MAMDC2: variants seen among roughly 807,000 people sequenced by gnomAD.
MAMDC2 encodes MAM domain containing 2, also known as MAM domain-containing protein 2.
A neutral mutation model predicts 89.8 loss-of-function variants in MAMDC2; 57 were observed. The observed-to-expected ratio is 0.63, with a 90% confidence interval of 0.51 to 0.79. MAMDC2 has a LOEUF of 0.79. MAMDC2 is among the 30% of genes least tolerant of loss of function. The pLI is 0.00. For missense variants in MAMDC2, 800 were observed against 820.6 expected (o/e 0.97, Z 0.31); for synonymous variants, 313 against 293.4 (o/e 1.07, Z -0.68).
chr9:70,185,666 C>T (rs4744986), intron 11 of MAMDC2, among the ~76,000 whole-genome samples: 119,224 of 152,078 alleles, frequency 0.78, 46,873 homozygotes, highest in Admixed American at 0.83. Flanking sequence ...AACTTCCTGG[C>T]CTCCTTAGCA....
At chr9:70,207,094 A>G (rs2033242573) in intron 11 of MAMDC2, among the ~76,000 whole-genome samples, 4 of 152,214 alleles carry the variant, frequency 2.6e-5, no homozygotes, top group African/African-American at 7.2e-5. Flanking sequence ...AAACATACAT[A>G]TGCAGGTGTC....
intron 5 of MAMDC2, among the ~76,000 whole-genome samples, chr9:70,125,241 T>TA (rs1257921003): frequency 6.6e-6 from 1 of 152,212 alleles, no homozygotes; most frequent in Admixed American, 6.5e-5. Flanking sequence ...TTGTAATTGT[T>TA]AGACAGCTAC....
At chr9:70,184,005 G>T (rs939453856) in intron 11 of MAMDC2, among the ~76,000 whole-genome samples, 1 of 152,148 alleles carries the variant, frequency 6.6e-6, no homozygotes, top group Non-Finnish European at 1.5e-5. Flanking sequence ...GTACGTATTT[G>T]CAGTAGCTGG....
In MAMDC2 at chr9:70,151,895, C is replaced by T. The variant is rs552147802; in HGVS notation, c.1404+8076C>T. 5.3e-5 allele frequency among the ~76,000 whole-genome samples: 8 copies of T among 152,210 alleles called. No individual in the cohort carries two copies. The East Asian group carries it at 7.7e-4, about 15-fold the overall frequency. ...GTCACCTGCCTATGCTTTTTGTGAC[C>T]TCTGAACCCATTCTAAAGCATGTCA... On this transcript the variant is annotated intron_variant, in intron 9 of 13. Coordinates refer to ENST00000377182, the MANE Select transcript of MAMDC2 (RefSeq NM_153267.5).
At chr9:70,077,822 G>C (rs1002885137) in intron 2 of MAMDC2, among the ~76,000 whole-genome samples, 1 of 152,138 alleles carries the variant, frequency 6.6e-6, no homozygotes, top group Non-Finnish European at 1.5e-5. Context: ...TGACTGTGTT[G>C]GTCCATTTGC....
intron 11 of MAMDC2, among the ~76,000 whole-genome samples, chr9:70,173,124 G>A (rs1488927851): frequency 6.6e-6 from 1 of 152,052 alleles, no homozygotes; most frequent in Non-Finnish European, 1.5e-5. Flanking sequence ...GTTTTTCTGG[G>A]TGGGCTCCAA....
chr9:70,108,534 T>C (rs781257613), intron 3 of MAMDC2, 52 bp downstream of exon 3: 114 of 1,461,458 alleles, frequency 7.8e-5, no homozygotes, highest in South Asian at 7.8e-4. Context: ...TGCTTTATAC[T>C]ATTCTAAAAT....
At chr9:70,146,935 AAAAT>A (rs1330172051) in intron 9 of MAMDC2, among the ~76,000 whole-genome samples, 9 of 150,198 alleles carry the variant, frequency 6.0e-5, no homozygotes, top group African/African-American at 2.2e-4. Flanking sequence ...ACTCCATCTA[AAAAT>A]AAATAAATAA....
chr9:70,165,508 C>A (rs1025710193), intron 9 of MAMDC2, among the ~76,000 whole-genome samples: 31 of 152,258 alleles, frequency 2.0e-4, no homozygotes, highest in African/African-American at 7.5e-4. Flanking sequence ...AGCTGACTAA[C>A]CTTAGGGATC....
intron 4 of MAMDC2, among the ~76,000 whole-genome samples, chr9:70,111,325 G>A (rs1233927136): frequency 2.0e-5 from 3 of 152,220 alleles, no homozygotes; most frequent in Non-Finnish European, 4.4e-5. Flanking sequence ...CATGTTAATT[G>A]CCTTTCTTCA....
intron 5 of MAMDC2, among the ~76,000 whole-genome samples, chr9:70,121,344 G>A (rs531783206): frequency 6.6e-6 from 1 of 152,308 alleles, no homozygotes; most frequent in South Asian, 2.1e-4. Flanking sequence ...ATCCCAGAAG[G>A]GGCCTGAGCA....
intron 2 of MAMDC2, among the ~76,000 whole-genome samples, chr9:70,077,259 A>G (rs1299612818): frequency 1.3e-5 from 2 of 152,232 alleles, no homozygotes; most frequent in Admixed American, 6.5e-5. Flanking sequence ...CTGATACGCA[A>G]CAGAGGTGAA....
rs2033643355 is a variant in MAMDC2, at chr9:70,226,643, C to G, written c.*611C>G. The G allele has an allele frequency of 6.6e-6, 1 of 152,440 alleles. No homozygotes were observed. The highest frequency in any genetic ancestry group is 1.5e-5 in the Non-Finnish European group (1 of 67,946). 9.4% of individuals were successfully genotyped at this position (152,440 alleles called of 1,614,324 possible). ...AAGGGTAAGTCAGTATTAATTAATG[C>G]TGTATTACAAGGCAATGCTACCTTC... On this transcript the variant is annotated 3_prime_UTR_variant, in exon 14 of 14. Coordinates refer to ENST00000377182, the MANE Select transcript of MAMDC2 (RefSeq NM_153267.5).
At chr9:70,086,796 A>G (rs937523324) in intron 2 of MAMDC2, 1 of 152,144 alleles carries the variant, frequency 6.6e-6, no homozygotes, top group Non-Finnish European at 1.5e-5. Flanking sequence ...GCCTTGATTC[A>G]ATTTAGACTT....
intron 2 of MAMDC2, among the ~76,000 whole-genome samples, chr9:70,060,171 A>G (rs1330954089): frequency 1.3e-5 from 2 of 152,116 alleles, no homozygotes; most frequent in East Asian, 3.9e-4. Context: ...TTGTCTATCA[A>G]CCCTGTTAAA....
intron 12 of MAMDC2, among the ~76,000 whole-genome samples, chr9:70,225,169 A>G (rs2118706684): frequency 6.6e-6 from 1 of 152,264 alleles, no homozygotes; most frequent in East Asian, 1.9e-4. Flanking sequence ...TTCTTCTCAG[A>G]ATCTGAAGTT....
chr9:70,194,899 T>C (rs2118611447), intron 11 of MAMDC2, among the ~76,000 whole-genome samples: 1 of 152,190 alleles, frequency 6.6e-6, no homozygotes, highest in East Asian at 1.9e-4. Flanking sequence ...TAGGCCAGTA[T>C]TACCCAGGTT....
intron 5 of MAMDC2, 23 bp downstream of exon 5, chr9:70,113,155 C>T: frequency 6.2e-7 from 1 of 1,612,616 alleles, no homozygotes; most frequent in Non-Finnish European, 8.5e-7. Flanking sequence ...CAAATAGAGT[C>T]CTTTTCCCAG....
intron 2 of MAMDC2, among the ~76,000 whole-genome samples, chr9:70,068,440 A>G (rs532739451): frequency 2.0e-5 from 3 of 152,232 alleles, no homozygotes; most frequent in East Asian, 1.9e-4. Context: ...ATAGGGGGCC[A>G]GGTACAGTGG....
Sources: gnomAD v4.1 joint callset for allele counts (sites outside exome capture counted in the v4.1 genomes callset) on GRCh38, gnomAD v4.1.1 for gene constraint, MANE v1.5 for transcripts, NCBI Gene and HGNC (gene_info 2026-07-23, HGNC 2026-07-21) for gene names.